Variants in FAM161A observed in about 807,000 individuals in gnomAD.
The protein encoded by FAM161A is protein FAM161A.
FAM161A carries 57 observed loss-of-function variants against 70.9 expected under a neutral mutation model. That is an observed-to-expected ratio of 0.80 (90% CI 0.65 to 1.00). The LOEUF (loss-of-function observed/expected upper bound fraction) is 1.00. Ranked by LOEUF, FAM161A falls within the 50% of genes least tolerant of loss-of-function variation. The pLI, the probability that FAM161A is intolerant of heterozygous loss-of-function variation, is 0.00. For synonymous variants in FAM161A, 299 were observed against 295.7 expected, an observed-to-expected ratio of 1.01 and a Z score of -0.12; for missense variants, 880 against 836.0, an observed-to-expected ratio of 1.05 and a Z score of -0.65.
At chr2:61,800,688 C>CT in the FAM161A span, among the ~76,000 whole-genome samples, 7 of 151,888 alleles carry the variant, frequency 4.6e-5, no homozygotes, top group African/African-American at 1.2e-4. Context: ...AGACTGTGCC[C>CT]GAATAAAATT....
At chr2:61,835,116 C>T (rs1057459669) in intron 5 of FAM161A, among the ~76,000 whole-genome samples, 6 of 152,226 alleles carry the variant, frequency 3.9e-5, no homozygotes, top group Admixed American at 6.5e-5. Flanking sequence ...TACATGTCCA[C>T]TGTCCTCAAT....
intron 5 of FAM161A, among the ~76,000 whole-genome samples, chr2:61,832,461 G>T (rs1463156918): frequency 1.3e-5 from 2 of 152,126 alleles, no homozygotes; most frequent in African/African-American, 4.8e-5. Flanking sequence ...GATTTTAAAA[G>T]AAATACAAGA....
In FAM161A at chr2:61,826,012, A is replaced by G; in HGVS notation, c.*443T>C. On this transcript the variant is annotated 3_prime_UTR_variant, in exon 7 of 7. Transcript: ENST00000404929. ...ATTTATTCTGTGAAATGCACTGCAG[A>G]GAAAAAGAATGGGCAAATAGTATAA... 2 of 454,504 alleles carry G rather than the reference A, an allele frequency of 4.4e-6. No individual in the cohort carries two copies. The highest frequency in any genetic ancestry group is 3.1e-5 in the South Asian group (2 of 64,460). 28.2% of individuals were successfully genotyped at this position (454,504 alleles called of 1,614,324 possible). A position where few individuals can be genotyped will look rare whatever the true frequency, so the allele number is the denominator to read the frequency against.
chr2:61,853,055 G>A (rs1673552636), intron 1 of FAM161A, among the ~76,000 whole-genome samples: 1 of 150,042 alleles, frequency 6.7e-6, no homozygotes, highest in South Asian at 2.1e-4. Context: ...AGGATTACAG[G>A]GGCGCACCAC....
the FAM161A span, among the ~76,000 whole-genome samples, chr2:61,815,427 T>A: frequency 6.6e-6 from 1 of 151,370 alleles, no homozygotes; most frequent in South Asian, 2.1e-4. Flanking sequence ...GATGGCCAAC[T>A]GTGTTGCCCC....
chr2:61,848,895 TTTA>T (rs1673345321), intron 1 of FAM161A, among the ~76,000 whole-genome samples: 1 of 5,574 alleles, frequency 1.8e-4, no homozygotes, highest in African/African-American at 5.5e-4. Flanking sequence ...TTTATATATA[TTTA>T]TATATATATT....
intron 1 of FAM161A, among the ~76,000 whole-genome samples, chr2:61,853,311 A>G (rs538365815): frequency 6.6e-6 from 1 of 152,318 alleles, no homozygotes; most frequent in East Asian, 1.9e-4. Flanking sequence ...CTGATCAGTG[A>G]AAAGGCCGTC....
intron 3 of FAM161A, 63 bp from the exon 4 acceptor site, chr2:61,838,768 T>TTTAA (rs1363974102): frequency 8.2e-7 from 1 of 1,221,754 alleles, no homozygotes; most frequent in South Asian, 2.7e-5. Context: ...TTAGCAAAGA[T>TTTAA]TTAACATGGG....
At chr2:61,835,826 G>A (rs920706492) in intron 5 of FAM161A, 184 bp downstream of exon 5, 2 of 595,718 alleles carry the variant, frequency 3.4e-6, no homozygotes, top group Non-Finnish European at 3.0e-6. Context: ...CACCACACCT[G>A]GCTAAATGCT....
At chr2:61,831,993 C>T (rs947123867) in intron 5 of FAM161A, among the ~76,000 whole-genome samples, 2 of 151,910 alleles carry the variant, frequency 1.3e-5, no homozygotes, top group Admixed American at 6.6e-5. Context: ...CTTGGAATCC[C>T]GACACTTTGG....
intron 5 of FAM161A, among the ~76,000 whole-genome samples, chr2:61,833,817 G>T (rs1356219460): frequency 2.0e-5 from 3 of 152,040 alleles, no homozygotes; most frequent in Non-Finnish European, 4.4e-5. Flanking sequence ...ATCACTTGAG[G>T]CCAGGAGTTC....
At chr2:61,808,617 C>T in the FAM161A span, among the ~76,000 whole-genome samples, 1 of 152,076 alleles carries the variant, frequency 6.6e-6, no homozygotes, top group Non-Finnish European at 1.5e-5. Flanking sequence ...TTTCAGTTGG[C>T]TCTTTTTCTT....
the FAM161A span, among the ~76,000 whole-genome samples, chr2:61,808,046 G>C: frequency 6.6e-6 from 1 of 152,162 alleles, no homozygotes; most frequent in Admixed American, 6.5e-5. Flanking sequence ...CTGACCCTGA[G>C]ACCAGGATTG....
the FAM161A span, among the ~76,000 whole-genome samples, chr2:61,807,749 TC>T: frequency 2.0e-5 from 3 of 149,622 alleles, no homozygotes; most frequent in Admixed American, 2.0e-4. Context: ...CAAGCATTCC[TC>T]CCACCTCAGC....
At chr2:61,844,070 G>A (rs1230774265) in intron 1 of FAM161A, among the ~76,000 whole-genome samples, 2 of 152,060 alleles carry the variant, frequency 1.3e-5, no homozygotes, top group African/African-American at 4.8e-5. Flanking sequence ...GTGAACCTGG[G>A]AGGCAGAGCT....
chr2:61,846,179 G>A (rs1047073242), intron 1 of FAM161A, among the ~76,000 whole-genome samples: 11 of 151,348 alleles, frequency 7.3e-5, no homozygotes, highest in Non-Finnish European at 1.5e-4. Flanking sequence ...CTAGGCAAAG[G>A]AAATGGCGTT....
chr2:61,806,988 A>G, the FAM161A span, among the ~76,000 whole-genome samples: 645 of 152,214 alleles, frequency 4.2e-3, 3 homozygotes, highest in African/African-American at 0.014. Flanking sequence ...CACCACACCC[A>G]GCTCAACATC....
chr2:61,848,258 T>C lies in FAM161A; in HGVS notation c.183+5601A>G, dbSNP rs144613293. On this transcript the variant is annotated intron_variant, in intron 1 of 6. Coordinates refer to ENST00000404929, the MANE Select transcript of FAM161A (RefSeq NM_001201543.2). Reference sequence around the variant, plus strand: ...ATGCGGCAGGTCTGATAAATTATACTTATGTACTGATTTTGCACTGGATCC... The same window carrying C: ...ATGCGGCAGGTCTGATAAATTATACCTATGTACTGATTTTGCACTGGATCC... Among the ~76,000 whole-genome samples, 8 of 152,340 alleles carry C rather than the reference T, an allele frequency of 5.3e-5. 1 individual carries two copies. The highest frequency in any genetic ancestry group is 1.9e-4 in the African/African-American group (8 of 41,572).
At chr2:61,801,838 G>A in the FAM161A span, among the ~76,000 whole-genome samples, 1 of 152,124 alleles carries the variant, frequency 6.6e-6, no homozygotes, top group Admixed American at 6.5e-5. Context: ...TGGGATTACA[G>A]ACGTGAGCCA....
Sources: gnomAD v4.1 joint callset for allele counts (sites outside exome capture counted in the v4.1 genomes callset) on GRCh38, gnomAD v4.1.1 for gene constraint, MANE v1.5 for transcripts, NCBI Gene and HGNC (gene_info 2026-07-23, HGNC 2026-07-21) for gene names.